Variants in ARHGEF26 observed in about 807,000 individuals in gnomAD.
ARHGEF26 encodes the protein Rho guanine nucleotide exchange factor (GEF) 26.
A neutral mutation model predicts 89.4 loss-of-function variants in ARHGEF26; 59 were observed. The ratio of observed to expected loss-of-function variants is 0.66; its 90% CI spans 0.54 to 0.82. The LOEUF (loss-of-function observed/expected upper bound fraction) is 0.82, where lower values mean the gene tolerates loss of function less well. Among genes scored for constraint, ARHGEF26 ranks in the 40% least tolerant of loss-of-function variants. The pLI, the probability that ARHGEF26 is intolerant of heterozygous loss-of-function variation, is 0.00. For synonymous variants in ARHGEF26, 500 were observed against 428.4 expected (o/e 1.17, Z -2.06); for missense variants, 1,234 against 1,085.6 (o/e 1.14, Z -1.92).
At chr3:154,125,444 G>C (rs1394149541) in intron 3 of ARHGEF26, among the ~76,000 whole-genome samples, 1 of 152,172 alleles carries the variant, frequency 6.6e-6, no homozygotes, top group Non-Finnish European at 1.5e-5. Flanking sequence ...GAGGAAACCA[G>C]AAGATCTGAG....
chr3:154,219,939 A>ACAAAAC (rs1553749162), intron 10 of ARHGEF26, among the ~76,000 whole-genome samples: 15 of 151,516 alleles, frequency 9.9e-5, no homozygotes, highest in South Asian at 8.3e-4. Flanking sequence ...CAAAAAACAA[A>ACAAAAC]CAAAAAAGTA....
rs562756213 is a variant in ARHGEF26 at position 154,172,029 on chromosome 3, A to G, written c.1488-15656A>G. Among the ~76,000 whole-genome samples, 47 of 152,352 alleles carry G rather than the reference A, an allele frequency of 3.1e-4. 1 individual carries two copies. Among genetic ancestry groups the G allele is most frequent in the African/African-American group, 1.1e-3 (46 of 41,570 alleles). On this transcript the variant is annotated intron_variant, in intron 6 of 14. Transcript: ENST00000465093. ...ATCAACATACCTTAAGAATGGTTTC[A>G]ATCTCTTGTGGCATTCTTTTGAGGA...
At chr3:154,191,142 G>A in intron 7 of ARHGEF26, 147 bp from the exon 8 acceptor site, 2 of 827,212 alleles carry the variant, frequency 2.4e-6, no homozygotes, top group Non-Finnish European at 3.6e-6. Context: ...ATTTGCCAGT[G>A]TAATTATGTG....
rs990874567 is a variant in ARHGEF26, at chr3:154,122,086, C to T, written c.94C>T (p.Arg32Trp). ...TCCTCAGCCCCACCAGGTTCTGGGC[C>T]GGAGCAAGCCGAGGCCCCAGTCCTA... ...SIPQPHQVLG[R>W]SKPRPQSYQS... Residue 32 changes from arginine to tryptophan, a missense_variant, in exon 2 of 15, where the codon CGG becomes TGG. Transcript: ENST00000465093. The T allele has an allele frequency of 1.8e-5, 29 of 1,611,442 alleles. No homozygotes were observed. Among genetic ancestry groups the T allele is most frequent in the Non-Finnish European group, 2.2e-5 (26 of 1,178,908 alleles).
intron 8 of ARHGEF26, 39 bp downstream of exon 8, chr3:154,191,457 G>A (rs201860537): frequency 6.3e-7 from 1 of 1,586,772 alleles, no homozygotes. Context: ...GTGGATAGCT[G>A]TGCTTCTCTA....
chr3:154,149,914 A>G lies in ARHGEF26; in HGVS notation c.1326+469A>G, dbSNP rs191152935. Among the ~76,000 whole-genome samples, 485 of 148,412 alleles carry G rather than the reference A, an allele frequency of 3.3e-3. 3 individuals carry two copies. Among genetic ancestry groups the G allele is most frequent in the Non-Finnish European group, 5.8e-3 (391 of 67,452 alleles). ...AATTTAAAATTATACCAAAATAAAA[A>G]GTTTATTTAGTAAAAAAAAAAAAAA... On this transcript the variant is annotated intron_variant, in intron 5 of 14. Coordinates refer to ENST00000465093, the MANE Select transcript of ARHGEF26 (RefSeq NM_015595.4).
Position 154,168,660 on chromosome 3 carries a change from C to A in ARHGEF26, c.1487+15728C>A, listed in dbSNP as rs1366533963. ...CTGTTTATATACTGAGAAGCCCAGA[C>A]GCGTTGACTCTGTTACCCTTCACCT... On this transcript the variant is annotated intron_variant, in intron 6 of 14. Coordinates refer to ENST00000465093, the MANE Select transcript of ARHGEF26 (RefSeq NM_015595.4). Among the ~76,000 whole-genome samples the A allele has an allele frequency of 2.0e-5, 3 of 152,156 alleles. No individual in the cohort carries two copies. In the South Asian group the frequency reaches 6.2e-4, roughly 32 times the overall value.
intron 10 of ARHGEF26, 89 bp from the exon 11 acceptor site, chr3:154,225,758 AGTATCATTT>A (rs1716446228): frequency 7.8e-7 from 1 of 1,286,620 alleles, no homozygotes; most frequent in Non-Finnish European, 1.1e-6. Context: ...TACTATGATA[AGTATCATTT>A]GTTTGAATGT....
intron 10 of ARHGEF26, among the ~76,000 whole-genome samples, chr3:154,221,146 CA>C (rs112349744): frequency 0.014 from 1,796 of 132,512 alleles, 33 homozygotes; most frequent in African/African-American, 0.047. Flanking sequence ...TTGTGTAAAA[CA>C]AAAAAAAAAA....
intron 14 of ARHGEF26, 30 bp downstream of exon 14, chr3:154,254,854 G>A (rs375630106): frequency 5.7e-6 from 9 of 1,583,354 alleles, no homozygotes; most frequent in Middle Eastern, 1.8e-4. Flanking sequence ...TGGGACACTC[G>A]TGGTCCAGGA....
intron 9 of ARHGEF26, among the ~76,000 whole-genome samples, chr3:154,211,283 G>A (rs1026781129): frequency 1.3e-5 from 2 of 152,124 alleles, no homozygotes; most frequent in Non-Finnish European, 2.9e-5. Flanking sequence ...GTCACAGAGT[G>A]CTGTAGGCCT....
chr3:154,178,564 TGTAA>T (rs1158195500), intron 6 of ARHGEF26, among the ~76,000 whole-genome samples: 4 of 152,364 alleles, frequency 2.6e-5, no homozygotes, highest in African/African-American at 7.2e-5. Context: ...TATTGTAATG[TGTAA>T]GTAAGTACCT....
At chr3:154,254,648 AG>A in intron 13 of ARHGEF26, 71 bp from the exon 14 acceptor site, 1 of 1,134,084 alleles carries the variant, frequency 8.8e-7, no homozygotes, top group South Asian at 1.4e-5. Context: ...AAAATAAGTA[AG>A]TGTACATTAT....
At chr3:154,251,802 G>A (rs1718169451) in intron 12 of ARHGEF26, among the ~76,000 whole-genome samples, 1 of 152,144 alleles carries the variant, frequency 6.6e-6, no homozygotes, top group Non-Finnish European at 1.5e-5. Context: ...AAATTCCATG[G>A]TAATGGAAAA....
chr3:154,148,881 G>A (rs762382916), intron 4 of ARHGEF26, among the ~76,000 whole-genome samples: 1 of 152,072 alleles, frequency 6.6e-6, no homozygotes, highest in Non-Finnish European at 1.5e-5. Context: ...GATACATGTG[G>A]ACCAAAAAAA....
Position 154,194,680 on chromosome 3 carries a change from T to C in ARHGEF26, c.1807T>C (p.Tyr603His), listed in dbSNP as rs1280672153. ...AAAAACACCTAAGGACTCTCCGAAGTATGAAGTCTGCAAAAGAGCCTTGAA... is the reference window on the plus strand; with the variant it reads ...AAAAACACCTAAGGACTCTCCGAAGCATGAAGTCTGCAAAAGAGCCTTGAA... ...CQKTPKDSPKYEVCKRALKEV... is the reference protein window; with the variant it reads ...CQKTPKDSPKHEVCKRALKEV... Residue 603 changes from tyrosine (Y) to histidine (H), a missense_variant, in exon 9 of 15, where the codon TAT becomes CAT. Tyr to His is a moderately conservative substitution (Grantham distance 83). Transcript: ENST00000465093. 1 of 1,612,996 alleles carries C rather than the reference T, an allele frequency of 6.2e-7. No homozygotes were observed. The highest frequency in any genetic ancestry group is 2.2e-5 in the East Asian group (1 of 44,852).
In ARHGEF26 at chr3:154,152,976, G is replaced by A. The variant is rs533304348; in HGVS notation, c.1487+44G>A. 2.5e-5 allele frequency: 37 copies of A among 1,454,946 alleles called. 1 individual carries two copies. Among genetic ancestry groups the A allele is most frequent in the Admixed American group, 1.8e-4 (7 of 39,954 alleles). 90.1% of individuals were successfully genotyped at this position (1,454,946 alleles called of 1,614,324 possible). On this transcript the variant is annotated intron_variant, in intron 6 of 14. Coordinates refer to ENST00000465093, the MANE Select transcript of ARHGEF26 (RefSeq NM_015595.4). ...GCCTTTGGTCGTGCCAAGAAGTTGCGTACTAATAAACACTTTGTTATCTCT... is the reference window on the plus strand; with the variant it reads ...GCCTTTGGTCGTGCCAAGAAGTTGCATACTAATAAACACTTTGTTATCTCT...
At chr3:154,206,212 C>A (rs1414148158) in intron 9 of ARHGEF26, among the ~76,000 whole-genome samples, 1 of 152,144 alleles carries the variant, frequency 6.6e-6, no homozygotes, top group African/African-American at 2.4e-5. Flanking sequence ...TGTCATGCCC[C>A]TCTCTCCTGG....
chr3:154,128,306 C>T (rs143781525), intron 3 of ARHGEF26, among the ~76,000 whole-genome samples: 25 of 152,162 alleles, frequency 1.6e-4, no homozygotes, highest in African/African-American at 4.8e-4. Flanking sequence ...GGCATGATCT[C>T]GGCTCACTGC....
Sources: gnomAD v4.1 joint callset for allele counts (sites outside exome capture counted in the v4.1 genomes callset) on GRCh38, gnomAD v4.1.1 for gene constraint, MANE v1.5 for transcripts, NCBI Gene and HGNC (gene_info 2026-07-23, HGNC 2026-07-21) for gene names.